NUP188: variants seen among roughly 807,000 people sequenced by gnomAD.
The protein encoded by NUP188 is nucleoporin NUP188.
NUP188 carries 97 observed loss-of-function variants against 223.0 expected under a neutral mutation model. The ratio of observed to expected loss-of-function variants is 0.43; its 90% CI spans 0.37 to 0.51. The LOEUF (loss-of-function observed/expected upper bound fraction) is 0.51. NUP188 is among the 20% of genes least tolerant of loss of function. NUP188 has a pLI of 0.00. For missense variants in NUP188, 1,947 were observed against 2,175.6 expected (o/e 0.89, Z 2.09); for synonymous variants, 869 against 828.0 (o/e 1.05, Z -0.85).
intron 3 of NUP188, among the ~76,000 whole-genome samples, chr9:128,954,513 T>C (rs1295478921): frequency 6.6e-6 from 1 of 151,298 alleles, no homozygotes; most frequent in Non-Finnish European, 1.5e-5. Context: ...GCCTCCCGAG[T>C]AGCAGGGACT....
rs1842824060 is a variant in NUP188, at chr9:129,006,921, A to G, written c.*243A>G. 2.4e-6 allele frequency: 1 copy of G among 414,760 alleles called. No homozygotes were observed. Among genetic ancestry groups the G allele is most frequent in the Admixed American group, 4.1e-5 (1 of 24,572 alleles). 25.7% of individuals were successfully genotyped at this position (414,760 alleles called of 1,614,324 possible). ...GGTCCTCACGCTGCAGACGCCCCCT[A>G]GAGGAACTTTCCTTCCTTTCCAGCA... On this transcript the variant is annotated 3_prime_UTR_variant, in exon 44 of 44. Coordinates refer to ENST00000372577, the MANE Select transcript of NUP188 (RefSeq NM_015354.3).
intron 34 of NUP188, 58 bp from the exon 35 acceptor site, chr9:129,001,471 C>G (rs892066902): frequency 1.3e-6 from 2 of 1,553,086 alleles, no homozygotes; most frequent in South Asian, 2.2e-5. Flanking sequence ...CGCTGCCTGT[C>G]GTCCTCTTCC....
rs1245923299 is a variant in NUP188, at chr9:129,005,441, G to A, written c.4648G>A (p.Val1550Ile). The stretch of plus-strand genomic sequence containing the variant: ...ATCAGAGCAGCAGGCCTTGCACACA[G>A]TCCAGTATGGCCTTCTCAAGATCCT... ...EASEQQALHT[V>I]QYGLLKILSK... is the part of the protein sequence containing the mutation. Residue 1550 changes from valine (V) to isoleucine (I), a missense_variant, in exon 40 of 44, where the codon GTC (valine) becomes ATC (isoleucine). This residue lies in a region of NUP188 where 905 missense variants were observed against 990.6 expected (regional missense o/e 0.91). Transcript: ENST00000372577. 1.2e-6 allele frequency: 2 copies of A among 1,608,246 alleles called. No homozygotes were observed. The highest frequency in any genetic ancestry group is 1.7e-6 in the Non-Finnish European group (2 of 1,180,018).
rs769770662 is a variant in NUP188, at chr9:129,006,327, C to T, written c.5032C>T (p.Arg1678Trp). Residue 1678 changes from arginine (R) to tryptophan (W), a missense_variant, in exon 43 of 44, where the codon CGG becomes TGG. Arg to Trp is a moderately radical substitution (Grantham distance 101). Transcript: ENST00000372577. ...CCTTAGGGACCCGGCTGTGCACCCC[C>T]GGGACAAACAGCGGATGAAGCAGGA... ...RYLRDPAVHP[R>W]DKQRMKQELS... 11 of 1,614,070 alleles carry T rather than the reference C, an allele frequency of 6.8e-6. No homozygotes were observed. The highest frequency in any genetic ancestry group is 1.7e-5 in the Admixed American group (1 of 60,014).
chr9:128,982,280 A>G (rs1842264721), intron 15 of NUP188, among the ~76,000 whole-genome samples: 1 of 152,012 alleles, frequency 6.6e-6, no homozygotes, highest in South Asian at 2.1e-4. Context: ...AAATACAAAA[A>G]TTAGCCAGGA....
In NUP188 at chr9:129,005,847, C is replaced by T. The variant is rs111945212; in HGVS notation, c.4869+71C>T. On this transcript the variant is annotated intron_variant, in intron 41 of 43. Coordinates refer to ENST00000372577, the MANE Select transcript of NUP188 (RefSeq NM_015354.3). ...CCCTGCCTGCCACTTCCCAGCTGAC[C>T]TTGGGCATGTTGGGCATGGTACCTA... 640 of 1,538,252 alleles carry T rather than the reference C, an allele frequency of 4.2e-4. 3 individuals carry two copies. The African/African-American group carries it at 6.2e-3, about 15-fold the overall frequency.
Position 129,006,705 on chromosome 9 carries a change from C to A in NUP188, c.*27C>A. 1 of 1,599,200 alleles carries A rather than the reference C, an allele frequency of 6.3e-7. No individual in the cohort carries two copies. On this transcript the variant is annotated 3_prime_UTR_variant, in exon 44 of 44. Coordinates refer to ENST00000372577, the MANE Select transcript of NUP188 (RefSeq NM_015354.3). ...GCAGTGCTGTTCTGCCCACCTACCC[C>A]TCTCCACCAGCCTACACTGCACCCT...
At chr9:128,981,445 C>A in intron 15 of NUP188, 55 bp downstream of exon 15, 13 of 1,538,094 alleles carry the variant, frequency 8.5e-6, no homozygotes, top group Non-Finnish European at 1.1e-5. Context: ...TGATGTCTTG[C>A]TCTGTCACCC....
Position 128,958,856 on chromosome 9 carries a change from C to T in NUP188, c.427C>T (p.Leu143Phe). ...RTCILRCVLH[L>F]LTYFQDERHP... is the part of the protein sequence containing the mutation. ...CTGTATTCTTCGTTGTGTCTTACACCTTCTCACTTACTTCCAAGATGAAAG... is the reference window on the plus strand; with the variant it reads ...CTGTATTCTTCGTTGTGTCTTACACTTTCTCACTTACTTCCAAGATGAAAG... Residue 143 changes from leucine to phenylalanine, a missense_variant, in exon 7 of 44, where the codon CTT becomes TTT. Leu to Phe is a conservative substitution (Grantham distance 22). This residue lies in a region of NUP188 where 817 missense variants were observed against 865.8 expected (regional missense o/e 0.94). Coordinates refer to ENST00000372577, the MANE Select transcript of NUP188 (RefSeq NM_015354.3). 2 of 1,602,116 alleles carry T rather than the reference C, an allele frequency of 1.2e-6. No individual in the cohort carries two copies. Among genetic ancestry groups the T allele is most frequent in the East Asian group, 2.2e-5 (1 of 44,726 alleles).
chr9:128,972,793 G>A (rs1397858197), intron 11 of NUP188, among the ~76,000 whole-genome samples: 1 of 151,994 alleles, frequency 6.6e-6, no homozygotes, highest in African/African-American at 2.4e-5. Flanking sequence ...CAGCCAGCAG[G>A]CCCTACTCGT....
intron 5 of NUP188, among the ~76,000 whole-genome samples, chr9:128,957,736 T>A (rs1841891258): frequency 6.6e-6 from 1 of 152,106 alleles, no homozygotes. Context: ...AGTACTTGGA[T>A]TACAGGCGTG....
At chr9:128,980,927 GGACTAA>G (rs1390976043) in intron 14 of NUP188, among the ~76,000 whole-genome samples, 1 of 152,002 alleles carries the variant, frequency 6.6e-6, no homozygotes, top group African/African-American at 2.4e-5. Flanking sequence ...AGATACTGTG[GGACTAA>G]GACTAAGTAT....
chr9:129,006,777 C>T lies in NUP188; in HGVS notation c.*99C>T. ...CTGCTAGGGCCTATACAATGGAGGG[C>T]ACCTCCTGTCACCCCCCTCCCGGAG... On this transcript the variant is annotated 3_prime_UTR_variant, in exon 44 of 44. Coordinates refer to ENST00000372577, the MANE Select transcript of NUP188 (RefSeq NM_015354.3). The T allele has an allele frequency of 8.2e-7, 1 of 1,212,692 alleles. No individual in the cohort carries two copies. Among genetic ancestry groups the T allele is most frequent in the Admixed American group, 2.5e-5 (1 of 39,894 alleles). 75.1% of individuals were successfully genotyped at this position (1,212,692 alleles called of 1,614,324 possible).
chr9:128,964,845 T>G (rs1484046047), intron 8 of NUP188, among the ~76,000 whole-genome samples: 1 of 151,984 alleles, frequency 6.6e-6, no homozygotes, highest in African/African-American at 2.4e-5. Flanking sequence ...TAGCTGGGAT[T>G]ACAGGCATGT....
In NUP188 at chr9:128,968,639, A is replaced by G. The variant is rs1588275229; in HGVS notation, c.719A>G (p.Lys240Arg). 5 of 1,614,136 alleles carry G rather than the reference A, an allele frequency of 3.1e-6. No individual in the cohort carries two copies. The East Asian group carries it at 1.1e-4, about 36-fold the overall frequency. ...SDLLVLTKMF[K>R]EQGFGSRQTN... is the part of the protein sequence containing the mutation. ...TTACTTGTATTAACCAAGATGTTTAAAGAGCAAGGATTTGGTAGTAGGCAG... is the reference window on the plus strand; with the variant it reads ...TTACTTGTATTAACCAAGATGTTTAGAGAGCAAGGATTTGGTAGTAGGCAG... The change falls in exon 9 of 44, where the codon AAA becomes AGA. Residue 240 changes from lysine to arginine, a missense_variant. Coordinates refer to ENST00000372577, the MANE Select transcript of NUP188 (RefSeq NM_015354.3).
chr9:128,998,851 G>A (rs943089205), intron 32 of NUP188, among the ~76,000 whole-genome samples: 4 of 142,194 alleles, frequency 2.8e-5, no homozygotes, highest in Admixed American at 7.4e-5. Context: ...TCCCCACCCC[G>A]TATTCTTTTT....
Position 128,956,340 on chromosome 9 carries a change from CT to C in NUP188, c.162-5del. ...GAGAATGAAGAAATGATTCACTGTT[CT>C]TTTTGTAGTCCAAGTTCAGCTGAAA... On this transcript the variant is annotated splice_polypyrimidine_tract_variant and intron_variant, in intron 3 of 43. Coordinates refer to ENST00000372577, the MANE Select transcript of NUP188 (RefSeq NM_015354.3). 1 of 1,517,470 alleles carries C rather than the reference CT, an allele frequency of 6.6e-7. No homozygotes were observed. Among genetic ancestry groups the C allele is most frequent in the Non-Finnish European group, 8.9e-7 (1 of 1,120,398 alleles). The allele number at this position is 1,517,470 out of a possible 1,614,324, so 94.0% of individuals were successfully genotyped here.
intron 16 of NUP188, 48 bp from the exon 17 acceptor site, chr9:128,982,854 C>T (rs758854312): frequency 1.2e-6 from 2 of 1,611,362 alleles, no homozygotes; most frequent in Middle Eastern, 3.3e-4. Flanking sequence ...GTTCAGTGAT[C>T]TTAAAGGGGT....
chr9:128,981,141 C>T, intron 14 of NUP188, 123 bp from the exon 15 acceptor site: 1 of 1,212,682 alleles, frequency 8.2e-7, no homozygotes, highest in Non-Finnish European at 1.2e-6. Context: ...GAAGGCAGTT[C>T]CAAGAACAGT....
Sources: gnomAD v4.1 joint callset for allele counts (sites outside exome capture counted in the v4.1 genomes callset) on GRCh38, gnomAD v4.1.1 for gene constraint, gnomAD v4.1.1 regional missense constraint, MANE v1.5 for transcripts, NCBI Gene and HGNC (gene_info 2026-07-23, HGNC 2026-07-21) for gene names.